CCM2L: variants seen among roughly 807,000 people sequenced by gnomAD.
CCM2L encodes the protein CCM2 like scaffold protein, also known as cerebral cavernous malformations 2 protein-like.
A neutral mutation model predicts 54.1 loss-of-function variants in CCM2L; 36 were observed. That is an observed-to-expected ratio of 0.67 (90% CI 0.51 to 0.88). The LOEUF (loss-of-function observed/expected upper bound fraction) is 0.88, where lower values mean the gene tolerates loss of function less well. Ranked by LOEUF, CCM2L falls within the 40% of genes least tolerant of loss-of-function variation. The pLI is 0.00. For synonymous variants in CCM2L, 351 were observed against 359.3 expected (o/e 0.98, Z 0.26); for missense variants, 700 against 812.1 (o/e 0.86, Z 1.68).
At chr20:32,017,755 A>C in intron 2 of CCM2L, 45 bp from the exon 3 acceptor site, 1 of 1,514,452 alleles carries the variant, frequency 6.6e-7, no homozygotes, top group Non-Finnish European at 9.2e-7. Context: ...TCAAGGTTTC[A>C]GGGTGACATC....
chr20:32,013,122 A>C (rs2064708003), intron 1 of CCM2L, among the ~76,000 whole-genome samples: 1 of 152,142 alleles, frequency 6.6e-6, no homozygotes, highest in Admixed American at 6.5e-5. Context: ...ACGCAGTGAG[A>C]CCTCATCTCT....
At chr20:32,011,988 G>A (rs1360225529) in intron 1 of CCM2L, among the ~76,000 whole-genome samples, 2 of 151,316 alleles carry the variant, frequency 1.3e-5, no homozygotes, top group Admixed American at 6.6e-5. Flanking sequence ...ATCTAGCCAC[G>A]GCAGACTGAC....
intron 6 of CCM2L, among the ~76,000 whole-genome samples, 171 bp from the exon 7 acceptor site, chr20:32,025,685 G>A (rs564657573): frequency 4.6e-5 from 7 of 152,256 alleles, no homozygotes; most frequent in East Asian, 3.9e-4. Context: ...TCCCCACATC[G>A]GGGAAGTTGA....
At position 32,014,260 on chromosome 20, in the gene CCM2L, TA is replaced by T. The variant is rs371096276; in HGVS notation, c.31-643del. Among the ~76,000 whole-genome samples the T allele has an allele frequency of 3.4e-3, 416 of 122,196 alleles. 4 individuals are homozygous for T. The highest frequency in any genetic ancestry group is 0.012 in the African/African-American group (346 of 29,740). 80.2% of individuals were successfully genotyped at this position (122,196 alleles called of 152,430 possible). A position where few individuals can be genotyped will look rare whatever the true frequency, so the allele number is the denominator to read the frequency against. On this transcript the variant is annotated intron_variant, in intron 1 of 9. Coordinates refer to ENST00000452892, the MANE Select transcript of CCM2L (RefSeq NM_001365692.1). Reference sequence around the variant, plus strand: ...ATATGTGTGTACATATATATATATATATTTTTTTTTTTTTTTTGAGACAGAG... The same window carrying T: ...ATATGTGTGTACATATATATATATATTTTTTTTTTTTTTTTTGAGACAGAG...
rs776023836 is a variant in CCM2L at position 32,015,091 on chromosome 20, G to C, written c.198+20G>C. The stretch of plus-strand genomic sequence containing the variant: ...GTCAAGGTGCGTGCAGGATGAGAAG[G>C]GGTGGGAAAACCTTGGGGTGAGGAG... On this transcript the variant is annotated intron_variant, in intron 2 of 9. Transcript: ENST00000452892. 7 of 1,466,608 alleles carry C rather than the reference G, an allele frequency of 4.8e-6. No homozygotes were observed. Among genetic ancestry groups the C allele is most frequent in the Non-Finnish European group, 6.3e-6 (7 of 1,109,282 alleles). 90.8% of individuals were successfully genotyped at this position (1,466,608 alleles called of 1,614,324 possible).
At chr20:32,014,764 G>A in intron 1 of CCM2L, 140 bp from the exon 2 acceptor site, 1 of 799,388 alleles carries the variant, frequency 1.3e-6, no homozygotes. Context: ...TTCTCCATCT[G>A]TAAAATGGGA....
chr20:32,019,409 G>T lies in CCM2L; in HGVS notation c.933G>T (p.Arg311Ser). The part of the protein sequence containing the change: ...CNLVILAVAN[R>S]DAAEESCALI... ...TGGTCATCCTGGCTGTAGCCAACAG[G>T]GTGAGCCCGAGGGCAGCCTGCTCCC... is the stretch of plus-strand genomic sequence containing the variant. The change falls in exon 5 of 10, where the codon AGG becomes AGT. Residue 311 changes from arginine to serine, a missense_variant and splice_region_variant. Arg to Ser is a moderately radical substitution (Grantham distance 110, BLOSUM62 -1). Coordinates refer to ENST00000452892, the MANE Select transcript of CCM2L (RefSeq NM_001365692.1). The T allele has an allele frequency of 6.6e-7, 1 of 1,522,976 alleles. No individual in the cohort carries two copies. The allele number at this position is 1,522,976 out of a possible 1,614,324, so 94.3% of individuals were successfully genotyped here. A position where few individuals can be genotyped will look rare whatever the true frequency, so the allele number is the denominator to read the frequency against.
In CCM2L at chr20:32,029,785, A is replaced by G; in HGVS notation, c.1349A>G (p.Tyr450Cys). The part of the protein sequence containing the change: ...EYRLGLPIQD[Y>C]CTGLLKLYGD... Reference sequence around the variant, plus strand: ...CGGCTGGGGCTGCCCATCCAGGACTATTGCACAGGCCTGCTGAAGCTCTAC... The same window carrying G: ...CGGCTGGGGCTGCCCATCCAGGACTGTTGCACAGGCCTGCTGAAGCTCTAC... Residue 450 changes from tyrosine to cysteine, a missense_variant, in exon 9 of 10, where the codon TAT (tyrosine) becomes TGT (cysteine). Coordinates refer to ENST00000452892, the MANE Select transcript of CCM2L (RefSeq NM_001365692.1). 6.2e-7 allele frequency: 1 copy of G among 1,613,034 alleles called. No homozygotes were observed. The highest frequency in any genetic ancestry group is 8.5e-7 in the Non-Finnish European group (1 of 1,179,450).
At chr20:32,020,934 C>G (rs548116001) in intron 5 of CCM2L, among the ~76,000 whole-genome samples, 1 of 152,256 alleles carries the variant, frequency 6.6e-6, no homozygotes, top group South Asian at 2.1e-4. Flanking sequence ...CCACTGCACT[C>G]CAGCCTGAGC....
In CCM2L at chr20:32,031,543, T is replaced by C. The variant is rs6121315; in HGVS notation, c.*229T>C. 72,069 of 301,932 alleles carry C rather than the reference T, an allele frequency of 0.24. 13,423 individuals carry two copies. Among genetic ancestry groups the C allele is most frequent in the African/African-American group, 0.65 (28,114 of 43,138 alleles). 18.7% of individuals were successfully genotyped at this position (301,932 alleles called of 1,614,324 possible). A position where few individuals can be genotyped will look rare whatever the true frequency, so the allele number is the denominator to read the frequency against. On this transcript the variant is annotated 3_prime_UTR_variant, in exon 10 of 10. Transcript: ENST00000452892. Reference sequence around the variant, plus strand: ...GTCCGGGGCAGTCACCCGGGGCTCCTGGGCCGCTCTGCCGGGCTGGGGCTG... The same window carrying C: ...GTCCGGGGCAGTCACCCGGGGCTCCCGGGCCGCTCTGCCGGGCTGGGGCTG...
At chr20:32,030,878 G>A in intron 9 of CCM2L, 123 bp from the exon 10 acceptor site, 3 of 837,752 alleles carry the variant, frequency 3.6e-6, no homozygotes, top group Non-Finnish European at 4.9e-6. Flanking sequence ...AGGACCTTGG[G>A]CAAGGCCACA....
At chr20:32,029,668 G>A in intron 8 of CCM2L, 32 bp from the exon 9 acceptor site, 1 of 1,575,406 alleles carries the variant, frequency 6.3e-7, no homozygotes, top group Non-Finnish European at 8.6e-7. Context: ...GCTGCTTCCT[G>A]GGATTGATCT....
At chr20:32,023,132 A>G (rs2064822475) in intron 6 of CCM2L, among the ~76,000 whole-genome samples, 1 of 151,636 alleles carries the variant, frequency 6.6e-6, no homozygotes, top group Non-Finnish European at 1.5e-5. Flanking sequence ...ACACCCAGCT[A>G]ATTTTTTTTT....
At chr20:32,010,586 G>T in intron 1 of CCM2L, 102 bp downstream of exon 1, 2 of 1,034,070 alleles carry the variant, frequency 1.9e-6, no homozygotes, top group Non-Finnish European at 1.5e-6. Flanking sequence ...AGGGGCATAA[G>T]TGGAGCCTTT....
chr20:32,031,406 C>T lies in CCM2L; in HGVS notation c.*92C>T, dbSNP rs2064926615. 3.7e-6 allele frequency: 4 copies of T among 1,078,018 alleles called. No homozygotes were observed. Among genetic ancestry groups the T allele is most frequent in the Admixed American group, 3.7e-5 (1 of 27,370 alleles). The allele number at this position is 1,078,018 out of a possible 1,614,324, so 66.8% of individuals were successfully genotyped here. On this transcript the variant is annotated 3_prime_UTR_variant, in exon 10 of 10. Coordinates refer to ENST00000452892, the MANE Select transcript of CCM2L (RefSeq NM_001365692.1). ...CTATCCCCAGGGCCCCCCCATCACA[C>T]CTGGCGGGGCCGGGGGGTCTTCACT...
rs963096274 is a variant in CCM2L at position 32,031,100 on chromosome 20, G to A, written c.1502G>A (p.Gly501Asp). 6.1e-6 allele frequency: 8 copies of A among 1,304,242 alleles called. No homozygotes were observed. The highest frequency in any genetic ancestry group is 6.1e-6 in the Non-Finnish European group (6 of 988,948). 80.8% of individuals were successfully genotyped at this position (1,304,242 alleles called of 1,614,324 possible). Residue 501 changes from glycine (G) to aspartate (D), a missense_variant, in exon 10 of 10, where the codon GGC becomes GAC. Physicochemically the swap from Gly to Asp is moderately conservative, Grantham distance 94. Coordinates refer to ENST00000452892, the MANE Select transcript of CCM2L (RefSeq NM_001365692.1). ...REGGILTDSFGRIKRSMSSTS... is the reference protein window; with the variant it reads ...REGGILTDSFDRIKRSMSSTS... ...GGCGGCATCCTCACTGACAGCTTCG[G>A]CCGCATCAAGCGCAGCATGAGCTCC...
intron 6 of CCM2L, among the ~76,000 whole-genome samples, chr20:32,022,996 C>T (rs1287034463): frequency 6.6e-6 from 1 of 152,038 alleles, no homozygotes; most frequent in Non-Finnish European, 1.5e-5. Context: ...GAGACAGAGT[C>T]TCCCTCTGTT....
chr20:32,028,468 G>A (rs2064884623), intron 7 of CCM2L: 1 of 157,736 alleles, frequency 6.3e-6, no homozygotes, highest in Admixed American at 6.1e-5. Context: ...ACAGGATAGA[G>A]CTTAGTGGGT....
intron 5 of CCM2L, 24 bp downstream of exon 5, chr20:32,019,433 C>T: frequency 1.4e-6 from 2 of 1,467,200 alleles, no homozygotes; most frequent in Non-Finnish European, 1.8e-6. Flanking sequence ...CAGCCTGCTC[C>T]CAAAGCCCGG....
Sources: gnomAD v4.1 joint callset for allele counts (sites outside exome capture counted in the v4.1 genomes callset) on GRCh38, gnomAD v4.1.1 for gene constraint, MANE v1.5 for transcripts, NCBI Gene and HGNC (gene_info 2026-07-23, HGNC 2026-07-21) for gene names.